The following REV3L variants were observed in gnomAD, a reference collection of about 807,000 sequenced individuals.
REV3L encodes the protein REV3 like, DNA directed polymerase zeta catalytic subunit, also known as DNA polymerase zeta catalytic subunit.
REV3L carries 69 observed loss-of-function variants against 299.4 expected under a neutral mutation model. The ratio of observed to expected loss-of-function variants is 0.23; its 90% CI spans 0.19 to 0.28. The LOEUF (loss-of-function observed/expected upper bound fraction) is 0.28, where lower values mean the gene tolerates loss of function less well. Among genes scored for constraint, REV3L ranks in the 10% least tolerant of loss-of-function variants. The probability of loss-of-function intolerance (pLI) is 1.00; values close to 1 mark genes in which losing one functional copy is unlikely to be tolerated. For missense variants in REV3L, 3,128 were observed against 3,693.8 expected (o/e 0.85, Z 3.97); for synonymous variants, 1,238 against 1,271.4 (o/e 0.97, Z 0.56).
intron 9 of REV3L, among the ~76,000 whole-genome samples, chr6:111,383,331 G>C (rs982630866): frequency 2.0e-5 from 3 of 152,198 alleles, no homozygotes; most frequent in African/African-American, 4.8e-5. Flanking sequence ...AAAGGAAGAA[G>C]TCGAATTATC....
intron 3 of REV3L, among the ~76,000 whole-genome samples, chr6:111,409,824 G>A (rs1784059397): frequency 6.6e-6 from 1 of 152,118 alleles, no homozygotes. Context: ...GCTTAGTGGA[G>A]AGAAAATAAA....
intron 18 of REV3L, among the ~76,000 whole-genome samples, chr6:111,352,407 G>A (rs1254424732): frequency 2.0e-5 from 3 of 152,162 alleles, no homozygotes; most frequent in African/African-American, 7.2e-5. Flanking sequence ...TACCACTGAA[G>A]TATATGAGTG....
intron 1 of REV3L, among the ~76,000 whole-genome samples, chr6:111,452,892 A>C (rs1338357954): frequency 6.6e-6 from 1 of 152,196 alleles, no homozygotes; most frequent in Non-Finnish European, 1.5e-5. Context: ...CCTGACAGAA[A>C]ATAGCAATAG....
intron 26 of REV3L, among the ~76,000 whole-genome samples, chr6:111,316,778 T>C (rs1427865130): frequency 6.6e-6 from 1 of 152,128 alleles, no homozygotes; most frequent in Non-Finnish European, 1.5e-5. Flanking sequence ...TCTGTAATCA[T>C]ATCATATACA....
Position 111,380,099 on chromosome 6 carries a change from G to T in REV3L, c.1337C>A (p.Pro446Gln), listed in dbSNP as rs1302678333. ...PCRSFGNNKYPQNSDDEENEP... is the reference protein window; with the variant it reads ...PCRSFGNNKYQQNSDDEENEP... ...ATTTTCTTCATCATCACTATTTTGT[G>T]GATATTTATTATTTCCAAAGGAGCG... The change falls in exon 11 of 32, where the codon CCA becomes CAA. Residue 446 changes from proline to glutamine, a missense_variant. By Grantham distance (76) the Pro-to-Gln change is moderately conservative. Coordinates refer to ENST00000368802, the MANE Select transcript of REV3L (RefSeq NM_001372078.1). 1.2e-6 allele frequency: 2 copies of T among 1,613,286 alleles called. No homozygotes were observed. Among genetic ancestry groups the T allele is most frequent in the East Asian group, 4.5e-5 (2 of 44,858 alleles).
At chr6:111,430,798 T>C in intron 1 of REV3L, 3 of 1,608,324 alleles carry the variant, frequency 1.9e-6, no homozygotes, top group Non-Finnish European at 2.6e-6. Context: ...TGAAGGAATC[T>C]GGAGGAAAGC....
chr6:111,414,373 G>C (rs1562274845), intron 2 of REV3L, among the ~76,000 whole-genome samples: 1 of 152,128 alleles, frequency 6.6e-6, no homozygotes, highest in Non-Finnish European at 1.5e-5. Flanking sequence ...CTGAGAGAAA[G>C]TCACTGTTTC....
At chr6:111,312,177 A>G (rs1005624425) in intron 28 of REV3L, 15 of 152,210 alleles carry the variant, frequency 9.9e-5, no homozygotes, top group African/African-American at 2.9e-4. Context: ...ATATTTATAC[A>G]ATAAGCTTAT....
chr6:111,480,517 T>C (rs1301503436), intron 1 of REV3L, among the ~76,000 whole-genome samples: 4 of 152,124 alleles, frequency 2.6e-5, no homozygotes, highest in Admixed American at 6.5e-5. Flanking sequence ...TTAATTAATA[T>C]TAATCTCACT....
intron 4 of REV3L, among the ~76,000 whole-genome samples, chr6:111,402,626 G>A (rs920708547): frequency 6.6e-6 from 1 of 151,966 alleles, no homozygotes; most frequent in Non-Finnish European, 1.5e-5. Context: ...CACTATTCAC[G>A]GCAACAAAAA....
At chr6:111,343,868 T>A (rs1623806) in intron 21 of REV3L, 57 bp downstream of exon 21, 2 of 1,212,534 alleles carry the variant, frequency 1.6e-6, no homozygotes, top group African/African-American at 1.5e-5. Flanking sequence ...TTATTACATA[T>A]AAATTACATC....
At chr6:111,467,967 A>G (rs1028887575) in intron 1 of REV3L, among the ~76,000 whole-genome samples, 10 of 152,166 alleles carry the variant, frequency 6.6e-5, no homozygotes, top group African/African-American at 2.4e-4. Context: ...AACATTATTA[A>G]CAATTTCTTC....
chr6:111,306,815 G>C (rs1324014305), intron 31 of REV3L, among the ~76,000 whole-genome samples: 1 of 152,216 alleles, frequency 6.6e-6, no homozygotes, highest in Admixed American at 6.5e-5. Flanking sequence ...AGCACTAGTA[G>C]AGCAATTGAG....
chr6:111,393,787 C>T (rs894635172), intron 4 of REV3L, among the ~76,000 whole-genome samples: 1 of 152,122 alleles, frequency 6.6e-6, no homozygotes, highest in African/African-American at 2.4e-5. Context: ...CTGCCTCAGC[C>T]TCCCATGTAG....
chr6:111,424,449 G>A (rs1229790355), intron 1 of REV3L, among the ~76,000 whole-genome samples: 5 of 152,208 alleles, frequency 3.3e-5, no homozygotes, highest in Non-Finnish European at 7.4e-5. Flanking sequence ...CAGAACTCTG[G>A]AAATTAAAGG....
intron 1 of REV3L, among the ~76,000 whole-genome samples, chr6:111,418,083 A>G (rs1351884677): frequency 6.6e-6 from 1 of 152,220 alleles, no homozygotes; most frequent in Non-Finnish European, 1.5e-5. Context: ...TCTCATGAAT[A>G]AATGTTATAA....
intron 1 of REV3L, among the ~76,000 whole-genome samples, chr6:111,462,416 T>G (rs919129127): frequency 3.3e-5 from 5 of 152,078 alleles, no homozygotes; most frequent in Admixed American, 1.3e-4. Context: ...ACACCGATCT[T>G]AAATATGTAT....
chr6:111,415,750 A>G (rs1442246874), intron 2 of REV3L, among the ~76,000 whole-genome samples: 4 of 152,104 alleles, frequency 2.6e-5, no homozygotes, highest in Non-Finnish European at 4.4e-5. Flanking sequence ...TCAATGACAC[A>G]TTCCCTGATT....
intron 17 of REV3L, 85 bp from the exon 18 acceptor site, chr6:111,357,210 T>A: frequency 4.6e-6 from 2 of 439,220 alleles, no homozygotes; most frequent in Non-Finnish European, 7.4e-6. Context: ...ATCCTCTACT[T>A]TTAAGTAAAA....
Sources: allele counts gnomAD v4.1 joint callset (sites outside exome capture counted in the v4.1 genomes callset), GRCh38; gene constraint gnomAD v4.1.1; transcripts MANE v1.5; gene names NCBI Gene and HGNC (gene_info 2026-07-23, HGNC 2026-07-21).